Variants in DOCK1 observed in about 807,000 individuals in gnomAD.
DOCK1 encodes dedicator of cytokinesis protein 1.
DOCK1 carries 138 observed loss-of-function variants against 262.7 expected under a neutral mutation model. The observed-to-expected ratio is 0.53, with a 90% CI of 0.46 to 0.61. The LOEUF is 0.61. DOCK1 is among the 20% of genes least tolerant of loss of function. The pLI is 0.00. For synonymous variants in DOCK1, 866 were observed against 867.4 expected (o/e 1.00, Z 0.03); for missense variants, 1,908 against 2,370.7 (o/e 0.80, Z 4.05).
At chr10:127,336,205 A>G (rs1158176435) in intron 29 of DOCK1, among the ~76,000 whole-genome samples, 3 of 152,120 alleles carry the variant, frequency 2.0e-5, no homozygotes, top group African/African-American at 4.8e-5. Context: ...GGCCCGGGGC[A>G]TAGCTGTGTT....
intron 29 of DOCK1, among the ~76,000 whole-genome samples, chr10:127,270,241 A>C (rs1415956372): frequency 6.6e-6 from 1 of 152,154 alleles, no homozygotes. Flanking sequence ...TGTTTGAACA[A>C]AACTCCAATG....
intron 35 of DOCK1, among the ~76,000 whole-genome samples, chr10:127,377,602 A>C (rs1032350814): frequency 2.0e-5 from 3 of 152,076 alleles, no homozygotes; most frequent in Admixed American, 1.3e-4. Flanking sequence ...TTGCCCTTAA[A>C]AAAACAAAAA....
At position 127,444,246 on chromosome 10, in the gene DOCK1, C is replaced by G; in HGVS notation, c.5380C>G (p.Pro1794Ala). 6.2e-7 allele frequency: 1 copy of G among 1,611,526 alleles called. No homozygotes were observed. Among genetic ancestry groups the G allele is most frequent in the Non-Finnish European group, 8.5e-7 (1 of 1,179,090 alleles). The stretch of plus-strand genomic sequence containing the variant: ...CCAGCAAACACCCCCTCCAGTTACA[C>G]CAAGGGCCAAGCTCAGCTTCAGCAT... Reference protein sequence around the residue: ...SSQQTPPPVTPRAKLSFSMQS... With the variant: ...SSQQTPPPVTARAKLSFSMQS... The change falls in exon 50 of 52, where the codon CCA (proline) becomes GCA (alanine). Residue 1794 changes from proline (P) to alanine (A), a missense_variant. Physicochemically the swap from Pro to Ala is conservative, Grantham distance 27 (BLOSUM62 -1). This residue lies in a region of DOCK1 where 383 missense variants were observed against 420.1 expected (regional missense o/e 0.91). Transcript: ENST00000623213.
chr10:126,935,102 C>T (rs1016638068), intron 1 of DOCK1, among the ~76,000 whole-genome samples: 11 of 151,964 alleles, frequency 7.2e-5, no homozygotes, highest in East Asian at 5.8e-4. Context: ...AGCGAGACTC[C>T]GTCTCAAAAA....
At chr10:126,993,529 AG>A (rs1310178896) in intron 6 of DOCK1, among the ~76,000 whole-genome samples, 5 of 152,172 alleles carry the variant, frequency 3.3e-5, no homozygotes, top group Non-Finnish European at 5.9e-5. Flanking sequence ...AGTATTTGGG[AG>A]GGAGGAGCTT....
intron 29 of DOCK1, among the ~76,000 whole-genome samples, chr10:127,316,154 T>C (rs2062269358): frequency 6.6e-6 from 1 of 152,246 alleles, no homozygotes. Flanking sequence ...TTTCAGTTTT[T>C]ATTTTTTGTG....
intron 27 of DOCK1, among the ~76,000 whole-genome samples, chr10:127,196,799 C>T (rs2057206310): frequency 6.6e-6 from 1 of 152,018 alleles, no homozygotes; most frequent in East Asian, 1.9e-4. Flanking sequence ...TCCGCCACAG[C>T]GCGTCCTCCG....
At chr10:127,187,779 A>AAAGC (rs142757297) in intron 27 of DOCK1, among the ~76,000 whole-genome samples, 12 of 151,726 alleles carry the variant, frequency 7.9e-5, no homozygotes, top group African/African-American at 1.9e-4. Flanking sequence ...AAGAGAGAGA[A>AAAGC]AAGCAAGCAA....
intron 27 of DOCK1, among the ~76,000 whole-genome samples, chr10:127,218,368 C>A (rs1235379581): frequency 2.0e-5 from 3 of 152,088 alleles, no homozygotes; most frequent in African/African-American, 7.2e-5. Context: ...GGGATTTTTC[C>A]ATTTTTTTTT....
intron 29 of DOCK1, among the ~76,000 whole-genome samples, chr10:127,303,878 G>T (rs1248888065): frequency 6.6e-6 from 1 of 152,098 alleles, no homozygotes; most frequent in African/African-American, 2.4e-5. Context: ...TAGTTTAGTG[G>T]CAGGTGAGAG....
Position 127,328,903 on chromosome 10 carries a change from CTTGTG to C in DOCK1, c.3045-10100_3045-10096del, listed in dbSNP as rs764586491. ...TTTCTGAAACATGCCCTCTTTCCTTCTTGTGTTTTTTCTTTTTTATTGTGATTTTA... is the reference window on the plus strand; with the variant it reads ...TTTCTGAAACATGCCCTCTTTCCTTCTTTTTTCTTTTTTATTGTGATTTTA... On this transcript the variant is annotated intron_variant, in intron 29 of 51. Transcript: ENST00000623213. Among the ~76,000 whole-genome samples, 10 of 151,676 alleles carry C rather than the reference CTTGTG, an allele frequency of 6.6e-5. No individual in the cohort carries two copies. The Middle Eastern group carries it at 0.01, about 156-fold the overall frequency.
At chr10:126,906,435 G>T (rs2030855333) in intron 1 of DOCK1, among the ~76,000 whole-genome samples, 1 of 152,210 alleles carries the variant, frequency 6.6e-6, no homozygotes, top group African/African-American at 2.4e-5. Context: ...TGCGCGCCTG[G>T]TGTCGGGACT....
intron 1 of DOCK1, among the ~76,000 whole-genome samples, chr10:126,968,077 A>G (rs2037810082): frequency 1.3e-5 from 2 of 152,058 alleles, no homozygotes; most frequent in South Asian, 4.1e-4. Flanking sequence ...CAGCCTCCCA[A>G]AAGTAATCCC....
chr10:127,446,959 T>C lies in DOCK1; in HGVS notation c.5414-435T>C, dbSNP rs2070603393. Among the ~76,000 whole-genome samples the C allele has an allele frequency of 6.6e-6, 1 of 152,084 alleles. No individual in the cohort carries two copies. The highest frequency in any genetic ancestry group is 2.4e-5 in the African/African-American group (1 of 41,388). On this transcript the variant is annotated intron_variant, in intron 50 of 51. Coordinates refer to ENST00000623213, the MANE Select transcript of DOCK1 (RefSeq NM_001290223.2). This position sits in a 1 kb window ranked among gnomAD's most constrained non-coding sequence, Gnocchi z 4.4. ...GGCGTGTTAGACTTTGCTTAGTGAA[T>C]CTCTCCAGGTGATAACTGCAGGGGT...
At chr10:127,206,869 T>C (rs2057747905) in intron 27 of DOCK1, among the ~76,000 whole-genome samples, 1 of 152,238 alleles carries the variant, frequency 6.6e-6, no homozygotes, top group Non-Finnish European at 1.5e-5. Flanking sequence ...AACTTAACAA[T>C]GTGCTGTCTT....
At chr10:127,071,997 C>G (rs1052292123) in intron 23 of DOCK1, among the ~76,000 whole-genome samples, 14 of 152,154 alleles carry the variant, frequency 9.2e-5, no homozygotes, top group Admixed American at 7.9e-4. Context: ...GGCTTCAGTG[C>G]TCAGGAACCT....
chr10:127,001,635 A>G (rs1057373476), intron 10 of DOCK1: 1 of 152,282 alleles, frequency 6.6e-6, no homozygotes, highest in African/African-American at 2.4e-5. Context: ...AAATATTTCA[A>G]ATCATTTAAA....
At chr10:127,397,778 G>A (rs536330875) in intron 38 of DOCK1, among the ~76,000 whole-genome samples, 2 of 143,372 alleles carry the variant, frequency 1.4e-5, no homozygotes, top group Non-Finnish European at 3.0e-5. Flanking sequence ...TGTATGACAC[G>A]GGCAGTGACT....
intron 27 of DOCK1, among the ~76,000 whole-genome samples, chr10:127,241,816 G>A (rs1190584207): frequency 2.6e-5 from 4 of 152,088 alleles, no homozygotes; most frequent in African/African-American, 9.7e-5. Flanking sequence ...TGCTTTTCAG[G>A]TACCTCCCTT....
Sources: allele counts gnomAD v4.1 joint callset (sites outside exome capture counted in the v4.1 genomes callset), GRCh38; gene constraint gnomAD v4.1.1; regional missense constraint gnomAD v4.1.1; non-coding constraint Gnocchi (gnomAD v3.1); transcripts MANE v1.5; gene names NCBI Gene and HGNC (gene_info 2026-07-23, HGNC 2026-07-21).